TBC1D32: variants seen among roughly 807,000 people sequenced by gnomAD.
The protein encoded by TBC1D32 is TBC1 domain family member 32, also known as protein broad-minded.
A neutral mutation model predicts 170.3 loss-of-function variants in TBC1D32; 151 were observed. That is an observed-to-expected ratio of 0.89 (90% CI 0.78 to 1.01). TBC1D32 has a LOEUF of 1.01. Among genes scored for constraint, TBC1D32 ranks in the 50% least tolerant of loss-of-function variants. TBC1D32 has a pLI of 0.00. For synonymous variants in TBC1D32, 498 were observed against 488.0 expected, an observed-to-expected ratio of 1.02 and a Z score of -0.27; for missense variants, 1,464 against 1,457.1, an observed-to-expected ratio of 1.00 and a Z score of -0.08.
intron 22 of TBC1D32, among the ~76,000 whole-genome samples, chr6:121,178,227 T>A (rs969476367): frequency 6.6e-6 from 1 of 152,056 alleles, no homozygotes; most frequent in African/African-American, 2.4e-5. Context: ...CAATTCAACA[T>A]GAGATTTGGG....
chr6:121,244,961 G>A (rs998932725), intron 17 of TBC1D32, among the ~76,000 whole-genome samples: 1 of 152,190 alleles, frequency 6.6e-6, no homozygotes, highest in African/African-American at 2.4e-5. Flanking sequence ...TACTATCACA[G>A]CTGGTACTCC....
intron 31 of TBC1D32, among the ~76,000 whole-genome samples, chr6:121,084,971 T>C (rs1261974823): frequency 6.6e-6 from 1 of 151,854 alleles, no homozygotes; most frequent in East Asian, 1.9e-4. Context: ...GTAAGTTACT[T>C]TGAGTGGGTT....
intron 1 of TBC1D32, among the ~76,000 whole-genome samples, chr6:121,323,053 C>A (rs529787991): frequency 1.4e-4 from 21 of 152,260 alleles, no homozygotes; most frequent in African/African-American, 5.1e-4. Context: ...CAGCTACCCA[C>A]CACATTTTTG....
intron 24 of TBC1D32, among the ~76,000 whole-genome samples, chr6:121,145,063 C>A (rs1339205124): frequency 6.6e-6 from 1 of 152,088 alleles, no homozygotes; most frequent in South Asian, 2.1e-4. Context: ...ACAAGTGGGT[C>A]CAAGAGAGAA....
chr6:121,117,880 A>G (rs896966102), intron 26 of TBC1D32, among the ~76,000 whole-genome samples: 1 of 152,174 alleles, frequency 6.6e-6, no homozygotes, highest in African/African-American at 2.4e-5. Context: ...AACTTTTATT[A>G]TACAAAACTC....
chr6:121,304,714 C>T lies in TBC1D32; in HGVS notation c.769+41G>A, dbSNP rs190825997. On this transcript the variant is annotated intron_variant, in intron 6 of 31. Coordinates refer to ENST00000398212, the MANE Select transcript of TBC1D32 (RefSeq NM_152730.6). ...TTTCCTATCCATTCTTAAGTACATG[C>T]AAATGACAAAAAACATTTTTAAATG... 302 of 1,538,486 alleles carry T rather than the reference C, an allele frequency of 2.0e-4. No individual in the cohort carries two copies. The African/African-American group carries it at 3.2e-3, about 17-fold the overall frequency.
intron 26 of TBC1D32, among the ~76,000 whole-genome samples, chr6:121,120,015 C>A (rs921148392): frequency 6.6e-6 from 1 of 151,826 alleles, no homozygotes; most frequent in Non-Finnish European, 1.5e-5. Flanking sequence ...CAGTGAAATT[C>A]TATAATAAAA....
At chr6:121,196,996 C>G (rs1230581361) in intron 22 of TBC1D32, among the ~76,000 whole-genome samples, 2 of 152,088 alleles carry the variant, frequency 1.3e-5, no homozygotes, top group African/African-American at 4.8e-5. Context: ...GAGGGAGGAA[C>G]ATTGCCACCA....
At chr6:121,123,113 G>C (rs1479406303) in intron 26 of TBC1D32, among the ~76,000 whole-genome samples, 2 of 152,052 alleles carry the variant, frequency 1.3e-5, no homozygotes, top group African/African-American at 4.8e-5. Flanking sequence ...TCTTGTTACA[G>C]ATCTTAATGG....
At chr6:121,289,155 G>T (rs1420932096) in intron 12 of TBC1D32, among the ~76,000 whole-genome samples, 2 of 152,080 alleles carry the variant, frequency 1.3e-5, no homozygotes, top group African/African-American at 4.8e-5. Context: ...TTCTGGCAAG[G>T]GCAATCAGGC....
chr6:121,209,065 A>G (rs1792704532), intron 21 of TBC1D32, among the ~76,000 whole-genome samples: 1 of 152,040 alleles, frequency 6.6e-6, no homozygotes, highest in South Asian at 2.1e-4. Flanking sequence ...TATATCACTT[A>G]TTATCTGCCA....
At chr6:121,168,228 C>G (rs1390557332) in intron 22 of TBC1D32, among the ~76,000 whole-genome samples, 1 of 112,646 alleles carries the variant, frequency 8.9e-6, no homozygotes, top group Non-Finnish European at 1.7e-5. Context: ...ACCCAAAGGA[C>G]TATAAATCAT....
intron 3 of TBC1D32, among the ~76,000 whole-genome samples, chr6:121,316,694 C>T (rs1487955249): frequency 6.6e-6 from 1 of 152,190 alleles, no homozygotes; most frequent in Non-Finnish European, 1.5e-5. Flanking sequence ...TTCAATCATG[C>T]AGTCCCAACT....
intron 9 of TBC1D32, among the ~76,000 whole-genome samples, chr6:121,301,511 G>A (rs1458043074): frequency 6.6e-6 from 1 of 152,024 alleles, no homozygotes; most frequent in East Asian, 1.9e-4. Flanking sequence ...CACAGGGAGG[G>A]GAACATCACA....
intron 3 of TBC1D32, among the ~76,000 whole-genome samples, chr6:121,316,642 A>G (rs73528507): frequency 0.022 from 3,298 of 152,254 alleles, 125 homozygotes; most frequent in African/African-American, 0.074. Context: ...ATGCACAGCG[A>G]CTTTTAAGTT....
rs370829060 is a variant in TBC1D32, at chr6:121,230,202, G to A, written c.2365-6850C>T. On this transcript the variant is annotated intron_variant, in intron 20 of 31. Transcript: ENST00000398212. ...GTTTCAAGATAATCAATTGATTCTC[G>A]ATCATCCTCTGAGCATAACCAATTT... 3.9e-5 allele frequency among the ~76,000 whole-genome samples: 6 copies of A among 152,062 alleles called. No homozygotes were observed. The East Asian group carries it at 9.7e-4, about 24-fold the overall frequency.
At chr6:121,152,071 T>C (rs1233715917) in intron 24 of TBC1D32, among the ~76,000 whole-genome samples, 1 of 152,228 alleles carries the variant, frequency 6.6e-6, no homozygotes, top group Non-Finnish European at 1.5e-5. Context: ...TTTTGCCCAT[T>C]AGTTGGCGTA....
At chr6:121,287,069 C>G (rs1803977349) in intron 12 of TBC1D32, among the ~76,000 whole-genome samples, 1 of 152,120 alleles carries the variant, frequency 6.6e-6, no homozygotes, top group African/African-American at 2.4e-5. Context: ...TAGAGACCAT[C>G]AAGGCTAGGA....
intron 30 of TBC1D32, among the ~76,000 whole-genome samples, chr6:121,105,754 A>G (rs7751291): frequency 0.27 from 41,002 of 151,808 alleles, 8,432 homozygotes; most frequent in African/African-American, 0.57. Flanking sequence ...CTGGCATTAC[A>G]AAGCAAGTAT....
Sources: gnomAD v4.1 joint callset for allele counts (sites outside exome capture counted in the v4.1 genomes callset) on GRCh38, gnomAD v4.1.1 for gene constraint, MANE v1.5 for transcripts, NCBI Gene and HGNC (gene_info 2026-07-23, HGNC 2026-07-21) for gene names.